Variants in KAZN observed in about 807,000 individuals in gnomAD.
The protein encoded by KAZN is kazrin, periplakin interacting protein.
Under a neutral mutation model 87.4 loss-of-function variants are expected in KAZN, and 40 were observed. That is an observed-to-expected ratio of 0.46 (90% CI 0.36 to 0.60). The LOEUF is 0.60. KAZN is among the 20% of genes least tolerant of loss of function. KAZN has a pLI of 0.00. For missense variants in KAZN, 898 were observed against 1,073.9 expected (o/e 0.84, Z 2.29); for synonymous variants, 466 against 458.3 (o/e 1.02, Z -0.22).
intron 1 of KAZN, among the ~76,000 whole-genome samples, chr1:14,166,805 C>A (rs1173273356): frequency 1.3e-5 from 2 of 152,140 alleles, no homozygotes; most frequent in African/African-American, 4.8e-5. Flanking sequence ...TTGATTATTT[C>A]CGTGTTTACA....
rs374516051 is a variant in KAZN at position 14,519,232 on chromosome 1, A to G, written c.250-79751A>G. Among the ~76,000 whole-genome samples, 10 of 152,290 alleles carry G rather than the reference A, an allele frequency of 6.6e-5. No homozygotes were observed. The East Asian group carries it at 1.9e-3, about 29-fold the overall frequency. On this transcript the variant is annotated intron_variant, in intron 2 of 16. Transcript: ENST00000636203. ...CTACACAGCTTGAAATGGACCCTAC[A>G]GGCAAGGAGAGGAGGGCCCAAGGCA... is the stretch of plus-strand genomic sequence containing the variant.
intron 8 of KAZN, among the ~76,000 whole-genome samples, chr1:15,086,870 A>G (rs1482454545): frequency 2.0e-5 from 3 of 152,258 alleles, no homozygotes; most frequent in Non-Finnish European, 2.9e-5. Context: ...CCGTGGTTCT[A>G]GAACTTGAGA....
intron 2 of KAZN, among the ~76,000 whole-genome samples, chr1:14,255,314 C>T (rs1230644548): frequency 6.6e-6 from 1 of 152,086 alleles, no homozygotes; most frequent in African/African-American, 2.4e-5. Flanking sequence ...ACCCAAACAC[C>T]TCCACTAGGC....
At chr1:14,726,330 C>A (rs1643380432) in intron 1 of KAZN, among the ~76,000 whole-genome samples, 2 of 152,246 alleles carry the variant, frequency 1.3e-5, no homozygotes, top group South Asian at 4.1e-4. Context: ...CCTGTGCAAG[C>A]TGATAGAGGC....
At chr1:14,230,953 C>A (rs568917185) in intron 2 of KAZN, among the ~76,000 whole-genome samples, 96 of 152,270 alleles carry the variant, frequency 6.3e-4, no homozygotes, top group African/African-American at 2.2e-3. Context: ...TCCTGGAAAC[C>A]TCTGCTTTGT....
At chr1:14,833,280 T>G (rs1647104967) in intron 1 of KAZN, among the ~76,000 whole-genome samples, 1 of 152,124 alleles carries the variant, frequency 6.6e-6, no homozygotes, top group Non-Finnish European at 1.5e-5. Flanking sequence ...ACAATGAGTG[T>G]CCATGCCCCC....
intron 1 of KAZN, among the ~76,000 whole-genome samples, chr1:14,749,661 C>A (rs1644358338): frequency 6.6e-6 from 1 of 152,146 alleles, no homozygotes; most frequent in African/African-American, 2.4e-5. Context: ...GCACAGGGGC[C>A]CTTCTGTCAT....
chr1:14,369,920 C>T (rs995659969), intron 2 of KAZN, among the ~76,000 whole-genome samples: 4 of 152,160 alleles, frequency 2.6e-5, no homozygotes, highest in African/African-American at 9.7e-5. Context: ...ATAAATTAAT[C>T]CAGAAACAAC....
At chr1:14,058,183 C>A (rs538932403) in intron 1 of KAZN, among the ~76,000 whole-genome samples, 10 of 152,276 alleles carry the variant, frequency 6.6e-5, no homozygotes, top group African/African-American at 2.4e-4. Flanking sequence ...ATAGGTCCAA[C>A]TGAGAAGCAA....
chr1:14,146,180 GT>G (rs145115688), intron 1 of KAZN, among the ~76,000 whole-genome samples: 61 of 147,924 alleles, frequency 4.1e-4, no homozygotes, highest in Middle Eastern at 3.5e-3. Context: ...TCCCATGCAT[GT>G]TTTTTTTTTC....
chr1:14,448,116 GC>G (rs1667084483), intron 2 of KAZN, among the ~76,000 whole-genome samples: 2 of 152,230 alleles, frequency 1.3e-5, no homozygotes, highest in Admixed American at 6.5e-5. Flanking sequence ...CTGAATAGCA[GC>G]CATGCGCTGA....
At chr1:15,107,432 C>A (rs1641334044) in intron 13 of KAZN, among the ~76,000 whole-genome samples, 1 of 152,170 alleles carries the variant, frequency 6.6e-6, no homozygotes, top group Non-Finnish European at 1.5e-5. Context: ...ATAAACCCAT[C>A]CAGAATGCCT....
At chr1:14,883,355 A>AGGGAGGG (rs1553150619) in intron 1 of KAZN, among the ~76,000 whole-genome samples, 1 of 20,598 alleles carries the variant, frequency 4.9e-5, no homozygotes, top group Non-Finnish European at 9.5e-5. Flanking sequence ...AGAAAGAAAG[A>AGGGAGGG]AAAGAAAGAA....
intron 1 of KAZN, among the ~76,000 whole-genome samples, chr1:14,731,628 A>G (rs1643682846): frequency 6.6e-6 from 1 of 152,244 alleles, no homozygotes; most frequent in Non-Finnish European, 1.5e-5. Flanking sequence ...CATATGGTAG[A>G]TGTGGCTCAG....
intron 2 of KAZN, among the ~76,000 whole-genome samples, chr1:14,377,294 T>C (rs1660992529): frequency 6.6e-6 from 1 of 152,192 alleles, no homozygotes; most frequent in South Asian, 2.1e-4. Flanking sequence ...CTTCTGTCTG[T>C]TCCAGAGATG....
chr1:14,383,678 TCTGTTTTGGTACCAGTACCATG>T (rs1165372430), intron 2 of KAZN, among the ~76,000 whole-genome samples: 2 of 152,178 alleles, frequency 1.3e-5, no homozygotes, highest in African/African-American at 2.4e-5. Flanking sequence ...GATCTCTCTC[TCTGTTTTGGTACCAGTACCATG>T]CTGTTTTGGT....
At chr1:14,136,640 G>A (rs1255898909) in intron 1 of KAZN, among the ~76,000 whole-genome samples, 1 of 128,506 alleles carries the variant, frequency 7.8e-6, no homozygotes, top group African/African-American at 3.1e-5. Context: ...GGAAAGAAGA[G>A]TGGGAGATAA....
intron 2 of KAZN, among the ~76,000 whole-genome samples, chr1:14,205,823 T>C (rs148333614): frequency 0.032 from 4,207 of 132,034 alleles, 81 homozygotes; most frequent in Middle Eastern, 0.089. Context: ...GAGGCAGAGG[T>C]TGCAGTGAGC....
chr1:13,983,341 A>G (rs1002598469), intron 1 of KAZN, among the ~76,000 whole-genome samples: 20 of 152,344 alleles, frequency 1.3e-4, no homozygotes, highest in African/African-American at 4.8e-4. Context: ...CGAGAAATCC[A>G]GCGCAGTGCC....
Sources: allele counts gnomAD v4.1 joint callset (sites outside exome capture counted in the v4.1 genomes callset), GRCh38; gene constraint gnomAD v4.1.1; transcripts MANE v1.5; gene names NCBI Gene and HGNC (gene_info 2026-07-23, HGNC 2026-07-21).